Variants in PTX3 observed in about 807,000 individuals in gnomAD.
PTX3 encodes the protein pentraxin-related protein PTX3.
In PTX3, 24 loss-of-function variants were observed where a neutral mutation model predicts 23.5. The ratio of observed to expected loss-of-function variants is 1.02; its 90% CI spans 0.74 to 1.43. The LOEUF is 1.43. Ranked by LOEUF, PTX3 falls within the 40% of genes most tolerant of loss-of-function variation. The pLI is 0.00. For missense variants in PTX3, 510 were observed against 497.5 expected, an observed-to-expected ratio of 1.02 and a Z score of -0.24; for synonymous variants, 218 against 205.4, an observed-to-expected ratio of 1.06 and a Z score of -0.53.
chr3:157,437,766 C>A lies in PTX3; in HGVS notation c.384C>A (p.Gly128=). ...TGCTGCAGGCGACCCGCGACGCGGGCCGCAGGCTGGCGCGTATGGAGGGCG... is the reference window on the plus strand; with the variant it reads ...TGCTGCAGGCGACCCGCGACGCGGGACGCAGGCTGGCGCGTATGGAGGGCG... The part of the protein sequence containing the change: ...DELLQATRDA[G]RRLARMEGAE... Residue 128 remains glycine (G), a synonymous_variant, in exon 2 of 3, where the codon GGC becomes GGA. Transcript: ENST00000295927. 6.7e-7 allele frequency: 1 copy of A among 1,485,944 alleles called. No homozygotes were observed. The highest frequency in any genetic ancestry group is 1.3e-5 in the South Asian group (1 of 77,874). The allele number at this position is 1,485,944 out of a possible 1,614,324, so 92.0% of individuals were successfully genotyped here.
Position 157,442,443 on chromosome 3 carries a change from C to T in PTX3, c.610C>T (p.Leu204Phe). 1 of 1,614,148 alleles carries T rather than the reference C, an allele frequency of 6.2e-7. No homozygotes were observed. Among genetic ancestry groups the T allele is most frequent in the Middle Eastern group, 1.6e-4 (1 of 6,062 alleles). ...CGTGCATCCAGTGAGACCAATGAGG[C>T]TTGAGTCTTTTAGTGCCTGCATTTG... ...GSVHPVRPMR[L>F]ESFSACIWVK... The change falls in exon 3 of 3, where the codon CTT becomes TTT. Residue 204 changes from leucine to phenylalanine, a missense_variant. Leu to Phe is a conservative substitution (Grantham distance 22). Coordinates refer to ENST00000295927, the MANE Select transcript of PTX3 (RefSeq NM_002852.4).
chr3:157,437,895 C>T lies in PTX3; in HGVS notation c.513C>T (p.Ala171=), dbSNP rs1285222071. Residue 171 remains alanine (A), a synonymous_variant, in exon 2 of 3, where the codon GCC becomes GCT. Transcript: ENST00000295927. ...ADLHAVQGWA[A]RSWLPAGCET... is the part of the protein sequence containing the mutation. ...TGCACGCGGTGCAGGGCTGGGCTGC[C>T]CGGAGCTGGCTGCCGGCAGGTAAGG... 8.5e-6 allele frequency: 13 copies of T among 1,521,466 alleles called. No homozygotes were observed. The highest frequency in any genetic ancestry group is 1.1e-5 in the Non-Finnish European group (12 of 1,142,246). 94.2% of individuals were successfully genotyped at this position (1,521,466 alleles called of 1,614,324 possible).
intron 2 of PTX3, among the ~76,000 whole-genome samples, chr3:157,439,925 C>T (rs1236419618): frequency 6.6e-6 from 1 of 152,038 alleles, no homozygotes; most frequent in Non-Finnish European, 1.5e-5. Context: ...TAATTTTTTG[C>T]ATTTTTAGTA....
At chr3:157,442,330 T>C (rs1171346233) in intron 2 of PTX3, 36 bp from the exon 3 acceptor site, 1 of 1,469,002 alleles carries the variant, frequency 6.8e-7, no homozygotes, top group East Asian at 2.3e-5. Context: ...AATTTATATT[T>C]TCTTTAATAT....
At position 157,437,603 on chromosome 3, in the gene PTX3, T is replaced by A; in HGVS notation, c.221T>A (p.Leu74Gln). The A allele has an allele frequency of 6.4e-7, 1 of 1,573,484 alleles. No individual in the cohort carries two copies. The highest frequency in any genetic ancestry group is 8.6e-7 in the Non-Finnish European group (1 of 1,161,910). Residue 74 changes from leucine (L) to glutamine (Q), a missense_variant, in exon 2 of 3, where the codon CTG becomes CAG. Coordinates refer to ENST00000295927, the MANE Select transcript of PTX3 (RefSeq NM_002852.4). ...TCGCAGATGAGAGAGCGCATGCTGC[T>A]GCAAGCCACGGACGACGTCCTGCGG... ...ENSQMRERML[L>Q]QATDDVLRGE...
In PTX3 at chr3:157,437,896, C is replaced by T. The variant is rs1339120166; in HGVS notation, c.514C>T (p.Arg172Trp). The T allele has an allele frequency of 4.6e-6, 7 of 1,521,428 alleles. No individual in the cohort carries two copies. The highest frequency in any genetic ancestry group is 1.4e-5 in the African/African-American group (1 of 71,034). 94.2% of individuals were successfully genotyped at this position (1,521,428 alleles called of 1,614,324 possible). ...GCACGCGGTGCAGGGCTGGGCTGCC[C>T]GGAGCTGGCTGCCGGCAGGTAAGGA... ...DLHAVQGWAARSWLPAGCETA... is the reference protein window; with the variant it reads ...DLHAVQGWAAWSWLPAGCETA... Residue 172 changes from arginine to tryptophan, a missense_variant, in exon 2 of 3, where the codon CGG becomes TGG. Coordinates refer to ENST00000295927, the MANE Select transcript of PTX3 (RefSeq NM_002852.4).
intron 2 of PTX3, among the ~76,000 whole-genome samples, chr3:157,438,537 C>A (rs539028805): frequency 6.6e-5 from 10 of 152,200 alleles, no homozygotes; most frequent in Admixed American, 4.6e-4. Flanking sequence ...GTGGAATTAG[C>A]GCGACAGGGG....
rs1226453817 is a variant in PTX3, at chr3:157,442,962, G to A, written c.1129G>A (p.Ala377Thr). 11 of 1,603,846 alleles carry A rather than the reference G, an allele frequency of 6.9e-6. No individual in the cohort carries two copies. The highest frequency in any genetic ancestry group is 1.1e-5 in the South Asian group (1 of 90,436). Residue 377 changes from alanine (A) to threonine (T), a missense_variant, in exon 3 of 3, where the codon GCT (alanine) becomes ACT (threonine). Coordinates refer to ENST00000295927, the MANE Select transcript of PTX3 (RefSeq NM_002852.4). ...CACAGAGATCCAGCCACATGGAGGA[G>A]CTCAGTATGTTTCATAAATGTTGTG... is the stretch of plus-strand genomic sequence containing the variant. ...GVTEIQPHGG[A>T]QYVS
rs746852317 is a variant in PTX3 at position 157,437,628 on chromosome 3, G to A, written c.246G>A (p.Arg82=). 10 of 1,556,852 alleles carry A rather than the reference G, an allele frequency of 6.4e-6. No individual in the cohort carries two copies. In the South Asian group the frequency reaches 9.5e-5, roughly 15 times the overall value. Residue 82 remains arginine (R), a synonymous_variant, in exon 2 of 3, where the codon CGG becomes CGA. Transcript: ENST00000295927. ...TGCAAGCCACGGACGACGTCCTGCG[G>A]GGCGAGCTGCAGAGGCTGCGGGAGG... The part of the protein sequence containing the change: ...MLLQATDDVL[R]GELQRLREEL...
At position 157,438,031 on chromosome 3, in the gene PTX3, G is replaced by GCACACACACA. The variant is rs1213951055; in HGVS notation, c.532+118_532+119insACACACACAC. 1.5e-5 allele frequency: 12 copies of GCACACACACA among 820,206 alleles called. No individual in the cohort carries two copies. The African/African-American group carries it at 2.3e-4, about 16-fold the overall frequency. 50.8% of individuals were successfully genotyped at this position (820,206 alleles called of 1,614,324 possible). A position where few individuals can be genotyped will look rare whatever the true frequency, so the allele number is the denominator to read the frequency against. On this transcript the variant is annotated intron_variant, in intron 2 of 2. Transcript: ENST00000295927. Reference sequence around the variant, plus strand: ...AAGCTTTCATGGGAAGCGCGCGCGCGCGCGCGCACACACACACACACACAC... The same window carrying GCACACACACA: ...AAGCTTTCATGGGAAGCGCGCGCGCGCACACACACACGCGCGCACACACACACACACACAC...
Position 157,442,771 on chromosome 3 carries a change from A to G in PTX3, c.938A>G (p.Glu313Gly), listed in dbSNP as rs769709134. 9.3e-6 allele frequency: 15 copies of G among 1,614,234 alleles called. No individual in the cohort carries two copies. In the East Asian group the frequency reaches 3.1e-4, roughly 34 times the overall value. Residue 313 changes from glutamate (E) to glycine (G), a missense_variant, in exon 3 of 3, where the codon GAA becomes GGA. By Grantham distance (98) the Glu-to-Gly change is moderately conservative. Coordinates refer to ENST00000295927, the MANE Select transcript of PTX3 (RefSeq NM_002852.4). ...PEGGILQIGQ[E>G]KNGCCVGGGF... ...GGAGGAATCCTGCAGATTGGCCAAGAAAAGAATGGCTGCTGTGTGGGTGGT... is the reference window on the plus strand; with the variant it reads ...GGAGGAATCCTGCAGATTGGCCAAGGAAAGAATGGCTGCTGTGTGGGTGGT...
intron 2 of PTX3, among the ~76,000 whole-genome samples, chr3:157,439,584 A>G (rs1419417924): frequency 6.6e-6 from 1 of 152,210 alleles, no homozygotes; most frequent in Non-Finnish European, 1.5e-5. Context: ...AAAATAGCCA[A>G]CATGCGGTTC....
At position 157,437,745 on chromosome 3, in the gene PTX3, G is replaced by A; in HGVS notation, c.363G>A (p.Leu121=). 2.7e-6 allele frequency: 4 copies of A among 1,495,372 alleles called. No homozygotes were observed. Among genetic ancestry groups the A allele is most frequent in the South Asian group, 1.3e-5 (1 of 79,592 alleles). The allele number at this position is 1,495,372 out of a possible 1,614,324, so 92.6% of individuals were successfully genotyped here. ...ARLTSALDEL[L]QATRDAGRRL... Reference sequence around the variant, plus strand: ...TGACCAGTGCTCTGGACGAGCTGCTGCAGGCGACCCGCGACGCGGGCCGCA... The same window carrying A: ...TGACCAGTGCTCTGGACGAGCTGCTACAGGCGACCCGCGACGCGGGCCGCA... The change falls in exon 2 of 3, where the codon CTG becomes CTA. Residue 121 remains leucine (L), a synonymous_variant. Transcript: ENST00000295927.
intron 2 of PTX3, 107 bp downstream of exon 2, chr3:157,438,021 G>A: frequency 4.6e-6 from 3 of 651,344 alleles, no homozygotes; most frequent in African/African-American, 5.6e-5. Flanking sequence ...TTCATGGGAA[G>A]CGCGCGCGCG....
chr3:157,442,401 A>G lies in PTX3; in HGVS notation c.568A>G (p.Lys190Glu), dbSNP rs371933507. The G allele has an allele frequency of 5.0e-6, 8 of 1,613,596 alleles. No homozygotes were observed. Among genetic ancestry groups the G allele is most frequent in the Non-Finnish European group, 6.8e-6 (8 of 1,179,628 alleles). Residue 190 changes from lysine to glutamate, a missense_variant, in exon 3 of 3, where the codon AAG becomes GAG. Lys to Glu is a moderately conservative substitution (Grantham distance 56). Transcript: ENST00000295927. ...AGCTATTTTATTCCCAATGCGTTCC[A>G]AGAAGATTTTTGGAAGCGTGCATCC... Reference protein sequence around the residue: ...ETAILFPMRSKKIFGSVHPVR... With the variant: ...ETAILFPMRSEKIFGSVHPVR...
chr3:157,437,529 C>A lies in PTX3; in HGVS notation c.147C>A (p.Cys49Ter). 1 of 1,605,782 alleles carries A rather than the reference C, an allele frequency of 6.2e-7. No homozygotes were observed. Among genetic ancestry groups the A allele is most frequent in the Non-Finnish European group, 8.5e-7 (1 of 1,177,540 alleles). ...GTACTCTAGCCACGCCGTGCGCCTG[C>A]GGTCAGGAGCACTCGGAATGGGACA... ...HPTEDPTPCACGQEHSEWDKL... is the reference protein window; with the variant it reads ...HPTEDPTPCA Residue 49 changes from cysteine (C) to a stop codon, truncating the protein, a stop_gained, in exon 2 of 3, where the codon TGC becomes TGA. Coordinates refer to ENST00000295927, the MANE Select transcript of PTX3 (RefSeq NM_002852.4). LOFTEE classifies it high-confidence loss of function.
chr3:157,438,859 T>C (rs1339522708), intron 2 of PTX3, among the ~76,000 whole-genome samples: 1 of 152,242 alleles, frequency 6.6e-6, no homozygotes, highest in African/African-American at 2.4e-5. Context: ...TTTTGGATTG[T>C]ATTAGAAAAT....
At position 157,442,820 on chromosome 3, in the gene PTX3, C is replaced by T; in HGVS notation, c.987C>T (p.Phe329=). 6.2e-6 allele frequency: 10 copies of T among 1,614,200 alleles called. No individual in the cohort carries two copies. The highest frequency in any genetic ancestry group is 8.5e-6 in the Non-Finnish European group (10 of 1,180,034). ...VGGGFDETLA[F]SGRLTGFNIW... The stretch of plus-strand genomic sequence containing the variant: ...GTGGCTTTGATGAAACATTAGCCTT[C>T]TCTGGGAGACTCACAGGCTTCAATA... The change falls in exon 3 of 3, where the codon TTC becomes TTT. Residue 329 remains phenylalanine (F), a synonymous_variant. Transcript: ENST00000295927.
chr3:157,439,248 AT>A (rs1042987369), intron 2 of PTX3, among the ~76,000 whole-genome samples: 7 of 152,290 alleles, frequency 4.6e-5, no homozygotes, highest in African/African-American at 1.7e-4. Flanking sequence ...AAACCGAAGA[AT>A]TACTCTATTT....
Sources: allele counts gnomAD v4.1 joint callset (sites outside exome capture counted in the v4.1 genomes callset), GRCh38; gene constraint gnomAD v4.1.1; transcripts MANE v1.5; gene names NCBI Gene and HGNC (gene_info 2026-07-23, HGNC 2026-07-21).